SLC19A1: variants seen among roughly 807,000 people sequenced by gnomAD.
SLC19A1 encodes solute carrier family 19 member 1.
SLC19A1 carries 37 observed loss-of-function variants against 35.3 expected under a neutral mutation model. That is an observed-to-expected ratio of 1.05 (90% CI 0.81 to 1.38). SLC19A1 has a LOEUF of 1.38. SLC19A1 is among the 40% of genes most tolerant of loss of function. The pLI, the probability that SLC19A1 is intolerant of heterozygous loss-of-function variation, is 0.00. For missense variants in SLC19A1, 831 were observed against 826.9 expected, an observed-to-expected ratio of 1.00 and a Z score of -0.06; for synonymous variants, 460 against 398.5, an observed-to-expected ratio of 1.15 and a Z score of -1.84.
At chr21:45,507,855 G>A (rs577729919), downstream of SLC19A1, among the ~76,000 whole-genome samples, 125 of 152,308 alleles carry the variant, frequency 8.2e-4, no homozygotes, top group African/African-American at 2.4e-3. Context: ...TGTGTCTGCC[G>A]CTCATTGCCC....
intron 1 of SLC19A1, among the ~76,000 whole-genome samples, chr21:45,539,243 G>A (rs2078228873): frequency 1.3e-5 from 2 of 152,354 alleles, no homozygotes; most frequent in South Asian, 2.1e-4. Context: ...CCTCACGTCT[G>A]TATCAGCTGA....
At position 45,516,228 on chromosome 21, in the gene SLC19A1, C is replaced by A. The variant is rs553037419; in HGVS notation, c.1294-88G>T. ...CCCCGACGCCTGCTCCCAGGCTCACCCTCCTCCAGCTCAGAGGCTGACCCT... is the reference window on the plus strand; with the variant it reads ...CCCCGACGCCTGCTCCCAGGCTCACACTCCTCCAGCTCAGAGGCTGACCCT... On this transcript the variant is annotated intron_variant, in intron 5 of 5. Coordinates refer to ENST00000311124, the MANE Select transcript of SLC19A1 (RefSeq NM_194255.4). The A allele has an allele frequency of 2.0e-5, 21 of 1,027,256 alleles. No homozygotes were observed. In the Admixed American group the frequency reaches 3.6e-4, roughly 18 times the overall value. The allele number at this position is 1,027,256 out of a possible 1,614,324, so 63.6% of individuals were successfully genotyped here. A position where few individuals can be genotyped will look rare whatever the true frequency, so the allele number is the denominator to read the frequency against.
At chr21:45,551,859 T>G (rs1440444350) in intron 1 of SLC19A1, among the ~76,000 whole-genome samples, 1 of 152,026 alleles carries the variant, frequency 6.6e-6, no homozygotes, top group African/African-American at 2.4e-5. Context: ...TTTGCCAGAG[T>G]GAAGGGCCCC....
chr21:45,514,915 G>A lies in SLC19A1; in HGVS notation c.*743C>T, dbSNP rs2037810796. ...ACATACCAAGGCCAGCACGTCCGCG[G>A]TGACCGGGACCAGTCCCCTCCGGGC... On this transcript the variant is annotated 3_prime_UTR_variant, in exon 6 of 6. Coordinates refer to ENST00000311124, the MANE Select transcript of SLC19A1 (RefSeq NM_194255.4). 32 of 1,314,392 alleles carry A rather than the reference G, an allele frequency of 2.4e-5. No homozygotes were observed. Among genetic ancestry groups the A allele is most frequent in the Non-Finnish European group, 3.1e-5 (31 of 989,654 alleles). 81.4% of individuals were successfully genotyped at this position (1,314,392 alleles called of 1,614,324 possible). A position where few individuals can be genotyped will look rare whatever the true frequency, so the allele number is the denominator to read the frequency against.
At position 45,515,103 on chromosome 21, in the gene SLC19A1, C is replaced by T; in HGVS notation, c.*555G>A. The T allele has an allele frequency of 1.3e-6, 2 of 1,544,620 alleles. No individual in the cohort carries two copies. The highest frequency in any genetic ancestry group is 2.8e-5 in the African/African-American group (2 of 72,564). ...TGATGACAATGTGTCTGCCGCCAAC[C>T]TGAGATGGCTTTTCCACAGAGACAG... On this transcript the variant is annotated 3_prime_UTR_variant, in exon 6 of 6. Coordinates refer to ENST00000311124, the MANE Select transcript of SLC19A1 (RefSeq NM_194255.4).
At chr21:45,526,268 CAT>C (rs1051055411) in intron 4 of SLC19A1, among the ~76,000 whole-genome samples, 3 of 152,262 alleles carry the variant, frequency 2.0e-5, no homozygotes, top group Non-Finnish European at 4.4e-5. Flanking sequence ...GGAATATTCA[CAT>C]GTCCATAATG....
downstream of SLC19A1, among the ~76,000 whole-genome samples, chr21:45,509,105 T>TG (rs1264015946): frequency 1.3e-5 from 2 of 152,064 alleles, no homozygotes; most frequent in African/African-American, 2.4e-5. Flanking sequence ...GAGTGATTGC[T>TG]GCGGCTTCTG....
chr21:45,551,659 T>A (rs1027529709), intron 1 of SLC19A1, among the ~76,000 whole-genome samples: 1 of 152,216 alleles, frequency 6.6e-6, no homozygotes, highest in Non-Finnish European at 1.5e-5. Flanking sequence ...AGGTATTCAT[T>A]TTGTGAAATT....
downstream of SLC19A1, among the ~76,000 whole-genome samples, chr21:45,507,753 CA>C (rs1396504148): frequency 1.3e-5 from 2 of 152,212 alleles, no homozygotes; most frequent in African/African-American, 2.4e-5. Flanking sequence ...CAGGACACCC[CA>C]CTACCTCTGT....
rs1602671054 is a variant in SLC19A1, at chr21:45,512,824, G to GC, written c.*2833dup. On this transcript the variant is annotated 3_prime_UTR_variant, in exon 6 of 6. Coordinates refer to ENST00000311124, the MANE Select transcript of SLC19A1 (RefSeq NM_194255.4). ...AAAACCCAGACCTGTTAGCAGACAG[G>GC]CCCCGTGAGGCAATGGGAGCTGAGG... is the stretch of plus-strand genomic sequence containing the variant. 1 of 290,874 alleles carries GC rather than the reference G, an allele frequency of 3.4e-6. No individual in the cohort carries two copies. The highest frequency in any genetic ancestry group is 6.7e-6 in the Non-Finnish European group (1 of 150,086). 18.0% of individuals were successfully genotyped at this position (290,874 alleles called of 1,614,324 possible). A position where few individuals can be genotyped will look rare whatever the true frequency, so the allele number is the denominator to read the frequency against.
intron 2 of SLC19A1, chr21:45,535,995 T>G: frequency 5.2e-6 from 1 of 191,838 alleles, no homozygotes; most frequent in Non-Finnish European, 9.9e-6. Context: ...CACCTACTGG[T>G]GGCTGCCCCT....
downstream of SLC19A1, chr21:45,509,437 C>A (rs757163483): frequency 1.3e-6 from 2 of 1,534,680 alleles, no homozygotes; most frequent in Non-Finnish European, 1.8e-6. Context: ...GCACCCCCAC[C>A]CCACCGCGCG....
At chr21:45,541,320 G>A (rs1317279396) in intron 1 of SLC19A1, among the ~76,000 whole-genome samples, 2 of 152,284 alleles carry the variant, frequency 1.3e-5, no homozygotes, top group African/African-American at 4.8e-5. Flanking sequence ...GGACAGGGCA[G>A]GCAGGTGCAC....
At position 45,517,298 on chromosome 21, in the gene SLC19A1, C is replaced by T. The variant is rs2038005442; in HGVS notation, c.1294-1158G>A. Among the ~76,000 whole-genome samples, 1 of 152,170 alleles carries T rather than the reference C, an allele frequency of 6.6e-6. No homozygotes were observed. Among genetic ancestry groups the T allele is most frequent in the Admixed American group, 6.5e-5 (1 of 15,286 alleles). On this transcript the variant is annotated intron_variant, in intron 5 of 5. Transcript: ENST00000311124. This position sits in a 1 kb window ranked among gnomAD's most constrained non-coding sequence, Gnocchi z 4.4. ...CCCAACATGAGGAAAGACCTTTCGA[C>T]AGGAATCGCCCTGCTCCCCGCAAAC... is the stretch of plus-strand genomic sequence containing the variant.
intron 1 of SLC19A1, among the ~76,000 whole-genome samples, chr21:45,551,203 G>A (rs532517585): frequency 3.1e-4 from 47 of 151,722 alleles, no homozygotes; most frequent in Admixed American, 2.3e-3. Flanking sequence ...GCAGTGAGCC[G>A]AGACACTGCA....
Position 45,515,139 on chromosome 21 carries a change from T to C in SLC19A1, c.*519A>G, listed in dbSNP as rs1323920446. 3 of 1,534,886 alleles carry C rather than the reference T, an allele frequency of 2.0e-6. No homozygotes were observed. The highest frequency in any genetic ancestry group is 2.6e-6 in the Non-Finnish European group (3 of 1,142,532). On this transcript the variant is annotated 3_prime_UTR_variant, in exon 6 of 6. Coordinates refer to ENST00000311124, the MANE Select transcript of SLC19A1 (RefSeq NM_194255.4). ...TTTCCACAGAGACAGAGAAGCCACA[T>C]GCAGTTCTTCATTCTACGTCAGTTA...
chr21:45,527,934 A>C (rs1346927401), intron 4 of SLC19A1, among the ~76,000 whole-genome samples: 3 of 123,432 alleles, frequency 2.4e-5, no homozygotes, highest in Non-Finnish European at 5.3e-5. Flanking sequence ...AAATCTGCAA[A>C]GTGCTTAAAA....
At position 45,504,568 on chromosome 21, in the gene SLC19A1, C is replaced by A. The variant is rs1043069230; in HGVS notation, c.498-5956G>T. On this transcript the variant is annotated intron_variant, in intron 3 of 4. Transcript: ENST00000417954. ...ACCCTGGGATTCCAGTAAGTCCCAG[C>A]CTGTGCAGGCAGAGCCCATGTCCCA... 2.6e-6 allele frequency: 4 copies of A among 1,565,320 alleles called. No individual in the cohort carries two copies. The highest frequency in any genetic ancestry group is 1.2e-5 in the South Asian group (1 of 86,090).
In SLC19A1 at chr21:45,534,491, CG is replaced by C. The variant is rs1358225915; in HGVS notation, c.190-2344del. ...GCAGAGAGGCTCTCCCCAGACCCCACGGCTCTCTGGAAAAGGGCGGCCAGGG... is the reference window on the plus strand; with the variant it reads ...GCAGAGAGGCTCTCCCCAGACCCCACGCTCTCTGGAAAAGGGCGGCCAGGG... On this transcript the variant is annotated intron_variant, in intron 2 of 5. Transcript: ENST00000311124. The surrounding 1 kb of genome is among the most constrained non-coding windows in gnomAD (Gnocchi z 4.2). The C allele has an allele frequency of 7.1e-7, 1 of 1,401,220 alleles. No homozygotes were observed. Among genetic ancestry groups the C allele is most frequent in the African/African-American group, 1.4e-5 (1 of 70,462 alleles). The allele number at this position is 1,401,220 out of a possible 1,614,324, so 86.8% of individuals were successfully genotyped here. A position where few individuals can be genotyped will look rare whatever the true frequency, so the allele number is the denominator to read the frequency against.
Sources: gnomAD v4.1 joint callset for allele counts (sites outside exome capture counted in the v4.1 genomes callset) on GRCh38, gnomAD v4.1.1 for gene constraint, Gnocchi (gnomAD v3.1) non-coding constraint, MANE v1.5 for transcripts, NCBI Gene and HGNC (gene_info 2026-07-23, HGNC 2026-07-21) for gene names.